ORC4: variants seen among roughly 807,000 people sequenced by gnomAD.
ORC4 encodes origin recognition complex, subunit 4 homolog.
ORC4 carries 55 observed loss-of-function variants against 63.9 expected under a neutral mutation model. The observed-to-expected ratio is 0.86, with a 90% CI of 0.69 to 1.08. The LOEUF (loss-of-function observed/expected upper bound fraction) is 1.08, where lower values mean the gene tolerates loss of function less well. Among genes scored for constraint, ORC4 ranks in the 50% least tolerant of loss-of-function variants. The probability of loss-of-function intolerance (pLI) is 0.00; values close to 1 mark genes in which losing one functional copy is unlikely to be tolerated. For missense variants in ORC4, 511 were observed against 504.4 expected (o/e 1.01, Z -0.13); for synonymous variants, 150 against 168.5 (o/e 0.89, Z 0.85).
At chr2:148,001,693 T>A (rs763686554) in intron 1 of ORC4, among the ~76,000 whole-genome samples, 1 of 152,102 alleles carries the variant, frequency 6.6e-6, no homozygotes, top group African/African-American at 2.4e-5. Flanking sequence ...ATGAAGAAAC[T>A]ACATCAACTA....
intron 1 of ORC4, among the ~76,000 whole-genome samples, chr2:147,984,626 T>C (rs2105378039): frequency 6.6e-6 from 1 of 152,260 alleles, no homozygotes; most frequent in South Asian, 2.1e-4. Context: ...CTACTATACA[T>C]CAGAGAGCTA....
At chr2:147,993,880 T>C (rs1016129740) in intron 1 of ORC4, among the ~76,000 whole-genome samples, 7 of 152,212 alleles carry the variant, frequency 4.6e-5, no homozygotes, top group Non-Finnish European at 5.9e-5. Context: ...ACTGTTTTAT[T>C]ATATTTTTAT....
In ORC4 at chr2:147,952,487, T is replaced by A; in HGVS notation, c.474A>T (p.Leu158Phe). The change falls in exon 8 of 14, where the codon TTA (leucine) becomes TTT (phenylalanine). Residue 158 changes from leucine (L) to phenylalanine (F), a missense_variant. By Grantham distance (22) the Leu-to-Phe change is conservative. Coordinates refer to ENST00000392857, the MANE Select transcript of ORC4 (RefSeq NM_181741.4). ...GATGAGCAAAAAGATCAAATTCATC[T>A]AATATGAAGATCACTGGGCAACTGC... The part of the protein sequence containing the change: ...RTSSCPVIFI[L>F]DEFDLFAHHK... 1 of 1,611,392 alleles carries A rather than the reference T, an allele frequency of 6.2e-7. No individual in the cohort carries two copies. Among genetic ancestry groups the A allele is most frequent in the Non-Finnish European group, 8.5e-7 (1 of 1,177,582 alleles).
intron 7 of ORC4, among the ~76,000 whole-genome samples, chr2:147,953,525 C>G (rs1689079368): frequency 6.6e-6 from 1 of 152,092 alleles, no homozygotes; most frequent in Non-Finnish European, 1.5e-5. Flanking sequence ...ATGAACAAAA[C>G]TAATGCTTTA....
chr2:148,011,411 T>A (rs962303154), intron 1 of ORC4, among the ~76,000 whole-genome samples: 2 of 152,174 alleles, frequency 1.3e-5, no homozygotes, highest in Admixed American at 6.5e-5. Context: ...AAATCTTTTT[T>A]GATAAAATTC....
Position 147,973,508 on chromosome 2 carries a change from C to T in ORC4, c.74G>A (p.Arg25His), listed in dbSNP as rs769092004. 37 of 1,594,384 alleles carry T rather than the reference C, an allele frequency of 2.3e-5. No individual in the cohort carries two copies. The highest frequency in any genetic ancestry group is 2.2e-5 in the East Asian group (1 of 44,616). The change falls in exon 3 of 14, where the codon CGT becomes CAT. Residue 25 changes from arginine (R) to histidine (H), a missense_variant. Transcript: ENST00000392857. ...TGGACTCTGACGACAAAATCTTTCA[C>T]GTAAAATTCTTTGTACCTGATGAAA... is the stretch of plus-strand genomic sequence containing the variant. ...ECLSQVQRIL[R>H]ERFCRQSPHS...
intron 1 of ORC4, among the ~76,000 whole-genome samples, chr2:147,987,391 TAC>T (rs763374232): frequency 1.0e-4 from 14 of 136,658 alleles, no homozygotes; most frequent in African/African-American, 2.6e-4. Context: ...TGTATATATA[TAC>T]ACACACACAC....
intron 1 of ORC4, among the ~76,000 whole-genome samples, chr2:147,995,132 A>G (rs538171206): frequency 1.3e-5 from 2 of 151,734 alleles, no homozygotes; most frequent in Non-Finnish European, 2.9e-5. Flanking sequence ...AAATGCACCA[A>G]TCAGCACTCT....
intron 4 of ORC4, among the ~76,000 whole-genome samples, chr2:147,967,398 A>G (rs886846467): frequency 3.9e-5 from 6 of 152,062 alleles, no homozygotes; most frequent in Non-Finnish European, 8.8e-5. Context: ...ATATATAGAA[A>G]AACCTAGAGA....
chr2:147,935,961 T>G (rs984070720), intron 13 of ORC4, among the ~76,000 whole-genome samples: 3 of 152,284 alleles, frequency 2.0e-5, no homozygotes, highest in Non-Finnish European at 4.4e-5. Flanking sequence ...ATATATACAA[T>G]ATGGTTTTCT....
chr2:147,991,790 T>G (rs115111575), intron 1 of ORC4, among the ~76,000 whole-genome samples: 1 of 152,108 alleles, frequency 6.6e-6, no homozygotes, highest in African/African-American at 2.4e-5. Context: ...ATTGCACCAC[T>G]GCACTCCAAC....
chr2:147,947,522 ACT>A (rs1334621749), intron 9 of ORC4, among the ~76,000 whole-genome samples: 1 of 151,904 alleles, frequency 6.6e-6, no homozygotes, highest in Non-Finnish European at 1.5e-5. Flanking sequence ...TGTATCTAAG[ACT>A]CTCAAGTCTC....
chr2:148,006,497 G>A (rs1692642332), intron 1 of ORC4, among the ~76,000 whole-genome samples: 1 of 152,304 alleles, frequency 6.6e-6, no homozygotes, highest in Admixed American at 6.5e-5. Flanking sequence ...GGGAATCCCT[G>A]AGGCACCCCT....
At chr2:147,998,241 C>T (rs964334528) in intron 1 of ORC4, among the ~76,000 whole-genome samples, 2 of 97,634 alleles carry the variant, frequency 2.0e-5, no homozygotes, top group Non-Finnish European at 4.3e-5. Flanking sequence ...GAACTTAATT[C>T]TTGAAAAAGT....
rs765466326 is a variant in ORC4 at position 147,973,534 on chromosome 2, A to C, written c.58-10T>G. On this transcript the variant is annotated splice_polypyrimidine_tract_variant and intron_variant, in intron 2 of 13. Transcript: ENST00000392857. The stretch of plus-strand genomic sequence containing the variant: ...GTAAAATTCTTTGTACCTGATGAAA[A>C]TAAAGTGAATAAATATAAATAAAAA... 1 of 1,431,468 alleles carries C rather than the reference A, an allele frequency of 7.0e-7. No individual in the cohort carries two copies. The allele number at this position is 1,431,468 out of a possible 1,614,324, so 88.7% of individuals were successfully genotyped here. A position where few individuals can be genotyped will look rare whatever the true frequency, so the allele number is the denominator to read the frequency against.
rs376702002 is a variant in ORC4, at chr2:147,938,303, T to C, written c.1049A>G (p.Tyr350Cys). 1.2e-5 allele frequency: 19 copies of C among 1,600,006 alleles called. No individual in the cohort carries two copies. The highest frequency in any genetic ancestry group is 5.4e-5 in the African/African-American group (4 of 74,626). The change falls in exon 12 of 14, where the codon TAT becomes TGT. Residue 350 changes from tyrosine (Y) to cysteine (C), a missense_variant. Tyr to Cys is a radical substitution (Grantham distance 194, BLOSUM62 -2). Coordinates refer to ENST00000392857, the MANE Select transcript of ORC4 (RefSeq NM_181741.4). ...CTACTTAAGTCTCATCTCACCATTATAGACCATTTGAAAATTAAATGGCTC... is the reference window on the plus strand; with the variant it reads ...CTACTTAAGTCTCATCTCACCATTACAGACCATTTGAAAATTAAATGGCTC... ...EEEPFNFQMVYNEFQKFVQRK... is the reference protein window; with the variant it reads ...EEEPFNFQMVCNEFQKFVQRK...
chr2:147,959,194 CAGTT>C lies in ORC4; in HGVS notation c.226-332_226-329del, dbSNP rs764718004. On this transcript the variant is annotated intron_variant, in intron 4 of 13. Transcript: ENST00000392857. ...CATGGCCCTTATAAACTTCATGTCT[CAGTT>C]AGTACATTACACATCTCTCTGACAA... Among the ~76,000 whole-genome samples the C allele has an allele frequency of 1.2e-3, 177 of 152,082 alleles. 1 individual carries two copies. The highest frequency in any genetic ancestry group is 2.1e-3 in the South Asian group (10 of 4,824).
chr2:147,952,349 T>A, intron 8 of ORC4, 24 bp downstream of exon 8: 3 of 1,527,248 alleles, frequency 2.0e-6, no homozygotes, highest in Non-Finnish European at 2.7e-6. Context: ...ATAATCAATT[T>A]TTTTAATGAA....
At chr2:147,987,307 T>C (rs1691265526) in intron 1 of ORC4, among the ~76,000 whole-genome samples, 1 of 150,236 alleles carries the variant, frequency 6.7e-6, no homozygotes, top group Admixed American at 6.6e-5. Flanking sequence ...CAAAATGGGC[T>C]CTATTTCATA....
Sources: allele counts gnomAD v4.1 joint callset (sites outside exome capture counted in the v4.1 genomes callset), GRCh38; gene constraint gnomAD v4.1.1; transcripts MANE v1.5; gene names NCBI Gene and HGNC (gene_info 2026-07-23, HGNC 2026-07-21).